The following DUSP15 variants were observed in gnomAD, a reference collection of about 807,000 sequenced individuals.
DUSP15 encodes the protein dual specificity phosphatase 15.
A neutral mutation model predicts 26.3 loss-of-function variants in DUSP15; 23 were observed. That is an observed-to-expected ratio of 0.87 (90% confidence interval 0.63 to 1.24). The LOEUF is 1.24. Among genes scored for constraint, DUSP15 ranks in the 50% most tolerant of loss-of-function variants. The pLI is 0.00. For synonymous variants in DUSP15, 143 were observed against 135.5 expected (o/e 1.06, Z -0.39); for missense variants, 364 against 320.6 (o/e 1.14, Z -1.03).
downstream of DUSP15, chr20:31,845,643 G>GCCCAGCCT: frequency 7.0e-7 from 1 of 1,426,120 alleles, no homozygotes; most frequent in Non-Finnish European, 9.5e-7. Flanking sequence ...AGGTCCACTG[G>GCCCAGCCT]CCCAGCCTCC....
In DUSP15 at chr20:31,861,211, G is replaced by C. The variant is rs1387340105; in HGVS notation, c.*192C>G. 7.4e-7 allele frequency: 1 copy of C among 1,351,548 alleles called. No homozygotes were observed. Among genetic ancestry groups the C allele is most frequent in the East Asian group, 3.1e-5 (1 of 32,082 alleles). 83.7% of individuals were successfully genotyped at this position (1,351,548 alleles called of 1,614,324 possible). ...GGCACCAGGTGGCTGCAGCAGGCCGGCCCGGACACAGAGACGCACAGGTTG... is the reference window on the plus strand; with the variant it reads ...GGCACCAGGTGGCTGCAGCAGGCCGCCCCGGACACAGAGACGCACAGGTTG... On this transcript the variant is annotated 3_prime_UTR_variant, in exon 7 of 7. Transcript: ENST00000339738.
rs1220478178 is a variant in DUSP15, at chr20:31,865,015, A to C, written c.139-13T>G. 1.2e-6 allele frequency: 2 copies of C among 1,614,008 alleles called. No individual in the cohort carries two copies. The highest frequency in any genetic ancestry group is 1.3e-5 in the African/African-American group (1 of 74,914). Reference sequence around the variant, plus strand: ...GGTAGGTGATATCCTGCAAGTACAAAATACACTCAGGCAGGGGACCTTGCC... The same window carrying C: ...GGTAGGTGATATCCTGCAAGTACAACATACACTCAGGCAGGGGACCTTGCC... On this transcript the variant is annotated splice_polypyrimidine_tract_variant and intron_variant, in intron 3 of 6. Coordinates refer to ENST00000339738, the MANE Select transcript of DUSP15 (RefSeq NM_080611.5).
At chr20:31,858,594 A>G (rs902677714), downstream of DUSP15, among the ~76,000 whole-genome samples, 6 of 152,190 alleles carry the variant, frequency 3.9e-5, no homozygotes, top group African/African-American at 1.2e-4. The surrounding 1 kb of genome is among the most constrained non-coding windows in gnomAD (Gnocchi z 4.4). Context: ...TGTGAGACAC[A>G]AGACCCACGC....
chr20:31,850,256 C>G (rs2062446726), intron 7 of DUSP15, among the ~76,000 whole-genome samples: 1 of 152,170 alleles, frequency 6.6e-6, no homozygotes, highest in Non-Finnish European at 1.5e-5. Flanking sequence ...ACCAGCAATC[C>G]TGCTCAGTGG....
exon 10 of DUSP15, chr20:31,848,469 T>C (rs1185919489): frequency 2.5e-6 from 4 of 1,612,030 alleles, no homozygotes; most frequent in Non-Finnish European, 3.4e-6. Flanking sequence ...AGGTGAGTGA[T>C]GCCATCGGGG....
At chr20:31,850,726 C>T (rs938188897) in intron 6 of DUSP15, 2 of 1,580,482 alleles carry the variant, frequency 1.3e-6, no homozygotes, top group African/African-American at 1.3e-5. Flanking sequence ...TGACCCCAGA[C>T]CCATAGATAA....
chr20:31,850,008 TCCCTATCAG>T, intron 7 of DUSP15: 1 of 1,015,714 alleles, frequency 9.8e-7, no homozygotes, highest in South Asian at 1.8e-5. Flanking sequence ...GGGTGCTCTC[TCCCTATCAG>T]TGATGATAAG....
chr20:31,855,530 A>G (rs7274311), intron 6 of DUSP15, among the ~76,000 whole-genome samples: 2,798 of 152,294 alleles, frequency 0.018, 82 homozygotes, highest in African/African-American at 0.063. Context: ...TGGGCACCAG[A>G]AGGGTTTGAA....
At chr20:31,868,967 C>T (rs573399215) in intron 2 of DUSP15, among the ~76,000 whole-genome samples, 1 of 152,150 alleles carries the variant, frequency 6.6e-6, no homozygotes, top group Non-Finnish European at 1.5e-5. Context: ...GGCTCACCGC[C>T]CCCCCAACTT....
At position 31,867,169 on chromosome 20, in the gene DUSP15, TG is replaced by T. The variant is rs1169266484; in HGVS notation, c.56-17del. ...TCTTTGGCATCTGAAAGAAACAGGA[TG>T]CTTGAGCCAATCTGGCTGGCGGGAT... On this transcript the variant is annotated splice_polypyrimidine_tract_variant and intron_variant, in intron 2 of 6. Coordinates refer to ENST00000339738, the MANE Select transcript of DUSP15 (RefSeq NM_080611.5). 3.8e-6 allele frequency: 6 copies of T among 1,571,338 alleles called. No individual in the cohort carries two copies. In the African/African-American group the frequency reaches 8.1e-5, roughly 21 times the overall value.
intron 8 of DUSP15, among the ~76,000 whole-genome samples, chr20:31,849,267 C>G (rs1011012156): frequency 3.9e-5 from 6 of 152,104 alleles, no homozygotes; most frequent in Admixed American, 2.6e-4. Context: ...GCACACCCAA[C>G]GCCTCAAGCC....
intron 4 of DUSP15, chr20:31,864,431 C>T: frequency 9.7e-7 from 1 of 1,036,258 alleles, no homozygotes; most frequent in Non-Finnish European, 1.2e-6. Flanking sequence ...GGAGGCACTA[C>T]TGCTGATGCC....
intron 6 of DUSP15, among the ~76,000 whole-genome samples, chr20:31,853,041 A>C (rs560542544): frequency 2.6e-5 from 4 of 152,276 alleles, no homozygotes; most frequent in Admixed American, 2.6e-4. Flanking sequence ...TGGGCCGTGC[A>C]GAGGGATGAG....
intron 2 of DUSP15, among the ~76,000 whole-genome samples, 160 bp downstream of exon 2, chr20:31,869,404 C>T (rs966575839): frequency 1.3e-5 from 2 of 152,234 alleles, no homozygotes; most frequent in African/African-American, 4.8e-5. Context: ...CCTGCATGTG[C>T]ACCCCTTGTC....
chr20:31,867,515 A>C (rs1242162317), intron 2 of DUSP15, among the ~76,000 whole-genome samples: 1 of 152,124 alleles, frequency 6.6e-6, no homozygotes, highest in Admixed American at 6.6e-5. Context: ...TAAACATGGG[A>C]ACAACCTGGT....
chr20:31,860,013 T>G (rs1444289801), downstream of DUSP15, among the ~76,000 whole-genome samples: 1 of 152,238 alleles, frequency 6.6e-6, no homozygotes, highest in East Asian at 1.9e-4. Context: ...CTGCCTGGAA[T>G]GCTTCCCCCA....
In DUSP15 at chr20:31,868,702, A is replaced by T. The variant is rs567376708; in HGVS notation, c.55+862T>A. 2.7e-3 allele frequency among the ~76,000 whole-genome samples: 407 copies of T among 149,794 alleles called. 4 individuals carry two copies. The highest frequency in any genetic ancestry group is 9.7e-3 in the African/African-American group (396 of 40,756). ...ACTATGTTGGCCAGGCTGGTCTCGA[A>T]CTCCTGACCTCAGGTGGTCTGCCCG... On this transcript the variant is annotated intron_variant, in intron 2 of 6. Coordinates refer to ENST00000339738, the MANE Select transcript of DUSP15 (RefSeq NM_080611.5).
Position 31,861,660 on chromosome 20 carries a change from C to G in DUSP15, c.451G>C (p.Glu151Gln). The G allele has an allele frequency of 6.8e-7, 1 of 1,481,104 alleles. No homozygotes were observed. The highest frequency in any genetic ancestry group is 8.9e-7 in the Non-Finnish European group (1 of 1,124,068). 91.7% of individuals were successfully genotyped at this position (1,481,104 alleles called of 1,614,324 possible). The change falls in exon 7 of 7, where the codon GAG becomes CAG. Residue 151 changes from glutamate to glutamine, a missense_variant. Transcript: ENST00000339738. ...ASSQKLRRQL[E>Q]ERFGESPFRD... ...AAGGGGCTCTCGCCGAAGCGCTCCT[C>G]CAGCTGCCGGCGAAGCTGGGGTGGG...
At position 31,863,895 on chromosome 20, in the gene DUSP15, C is replaced by G. The variant is rs767767560; in HGVS notation, c.263+12G>C. On this transcript the variant is annotated intron_variant, in intron 5 of 6. Transcript: ENST00000339738. ...CTTCCTCCCCCACCTTATCCCCCTC[C>G]GCTTAACTCACCAGTGCACAAGGCA... is the stretch of plus-strand genomic sequence containing the variant. 2 of 1,613,182 alleles carry G rather than the reference C, an allele frequency of 1.2e-6. No individual in the cohort carries two copies. Among genetic ancestry groups the G allele is most frequent in the Non-Finnish European group, 8.5e-7 (1 of 1,179,252 alleles).
Sources: gnomAD v4.1 joint callset for allele counts (sites outside exome capture counted in the v4.1 genomes callset) on GRCh38, gnomAD v4.1.1 for gene constraint, Gnocchi (gnomAD v3.1) non-coding constraint, MANE v1.5 for transcripts, NCBI Gene and HGNC (gene_info 2026-07-23, HGNC 2026-07-21) for gene names.